NMT1: variants seen among roughly 807,000 people sequenced by gnomAD.
NMT1 encodes the protein glycylpeptide N-tetradecanoyltransferase 1.
In NMT1, 12 loss-of-function variants were observed where a neutral mutation model predicts 63.4. That is an observed-to-expected ratio of 0.19 (90% CI 0.12 to 0.31). NMT1 has a LOEUF of 0.31. NMT1 is among the 10% of genes least tolerant of loss of function. The probability of loss-of-function intolerance (pLI) is 1.00; values close to 1 mark genes in which losing one functional copy is unlikely to be tolerated. For missense variants in NMT1, 432 were observed against 634.6 expected, an observed-to-expected ratio of 0.68 and a Z score of 3.43; for synonymous variants, 228 against 234.3, an observed-to-expected ratio of 0.97 and a Z score of 0.25.
At chr17:45,085,182 G>A (rs1282996453) in intron 2 of NMT1, among the ~76,000 whole-genome samples, 1 of 152,196 alleles carries the variant, frequency 6.6e-6, no homozygotes, top group East Asian at 1.9e-4. Context: ...CAGCCCATGA[G>A]GTTGAAGCCG....
intron 3 of NMT1, among the ~76,000 whole-genome samples, chr17:45,088,179 C>A (rs183462161): frequency 6.6e-6 from 1 of 152,142 alleles, no homozygotes; most frequent in Non-Finnish European, 1.5e-5. Context: ...CTGCCCTCAT[C>A]GGCCAGGTCC....
chr17:45,065,390 A>G (rs1022772526), intron 1 of NMT1, among the ~76,000 whole-genome samples: 29 of 152,036 alleles, frequency 1.9e-4, no homozygotes, highest in Admixed American at 1.3e-3. Flanking sequence ...TTGGGAGGCT[A>G]AGGCGGGCGG....
chr17:45,061,592 C>G lies in NMT1; in HGVS notation c.131+132C>G, dbSNP rs1295856336. The G allele has an allele frequency of 1.8e-5, 14 of 774,464 alleles. No homozygotes were observed. In the East Asian group the frequency reaches 4.0e-4, roughly 22 times the overall value. 48.0% of individuals were successfully genotyped at this position (774,464 alleles called of 1,614,324 possible). ...TATTGGCTAAGTCACTAGGATTCTG[C>G]CTGGCGATTGGTTATTGCCTTTGTC... On this transcript the variant is annotated intron_variant, in intron 1 of 11. Transcript: ENST00000258960.
intron 2 of NMT1, among the ~76,000 whole-genome samples, chr17:45,084,653 G>A (rs1244731105): frequency 6.6e-6 from 1 of 150,820 alleles, no homozygotes; most frequent in African/African-American, 2.4e-5. Flanking sequence ...TTTTAATAGG[G>A]ACAGGGGTCT....
intron 1 of NMT1, among the ~76,000 whole-genome samples, chr17:45,079,251 C>T (rs1460710487): frequency 6.6e-6 from 1 of 151,966 alleles, no homozygotes; most frequent in East Asian, 2.0e-4. Context: ...ATTACAGGCG[C>T]ATGCCTCCAC....
In NMT1 at chr17:45,104,380, T is replaced by A; in HGVS notation, c.1333-479T>A. 8.8e-7 allele frequency: 1 copy of A among 1,132,850 alleles called. No individual in the cohort carries two copies. Among genetic ancestry groups the A allele is most frequent in the South Asian group, 2.1e-5 (1 of 47,652 alleles). 70.2% of individuals were successfully genotyped at this position (1,132,850 alleles called of 1,614,324 possible). A position where few individuals can be genotyped will look rare whatever the true frequency, so the allele number is the denominator to read the frequency against. The stretch of plus-strand genomic sequence containing the variant: ...AGAGCTTCTGCTCCAGTTGGTGAGG[T>A]TTAGGAAGCATCTTCACAGTCTCCA... On this transcript the variant is annotated intron_variant, in intron 10 of 11. Transcript: ENST00000258960. The surrounding 1 kb of genome is among the most constrained non-coding windows in gnomAD (Gnocchi z 4.2).
intron 8 of NMT1, 104 bp from the exon 9 acceptor site, chr17:45,102,847 C>A: frequency 6.3e-6 from 7 of 1,119,930 alleles, no homozygotes; most frequent in Non-Finnish European, 8.8e-6. Flanking sequence ...CAGGGAGCCG[C>A]CGAATGACCA....
intron 1 of NMT1, among the ~76,000 whole-genome samples, chr17:45,070,574 C>T (rs532939128): frequency 4.7e-4 from 72 of 152,298 alleles, no homozygotes; most frequent in Middle Eastern, 3.4e-3. Flanking sequence ...CCCGTCACCA[C>T]GCCCGGCTAA....
At chr17:45,089,711 T>C (rs1218480314) in intron 3 of NMT1, among the ~76,000 whole-genome samples, 2 of 152,102 alleles carry the variant, frequency 1.3e-5, no homozygotes, top group Non-Finnish European at 1.5e-5. Flanking sequence ...TGATCATGGC[T>C]CACTGCAGCC....
At chr17:45,069,675 G>A (rs900187518) in intron 1 of NMT1, among the ~76,000 whole-genome samples, 1 of 152,104 alleles carries the variant, frequency 6.6e-6, no homozygotes, top group African/African-American at 2.4e-5. Context: ...TTCTGAACTT[G>A]CTAGGTTTCT....
intron 1 of NMT1, among the ~76,000 whole-genome samples, chr17:45,078,695 T>C (rs908174101): frequency 6.6e-6 from 1 of 152,184 alleles, no homozygotes; most frequent in Non-Finnish European, 1.5e-5. Flanking sequence ...AGTGTCTGGC[T>C]GTATTGCCCA....
chr17:45,077,245 A>G (rs1343810912), intron 1 of NMT1, among the ~76,000 whole-genome samples: 2 of 152,158 alleles, frequency 1.3e-5, no homozygotes, highest in African/African-American at 4.8e-5. Flanking sequence ...TATTACCATA[A>G]TTTGTTCCAT....
At chr17:45,067,961 G>A (rs1424329538) in intron 1 of NMT1, among the ~76,000 whole-genome samples, 2 of 152,132 alleles carry the variant, frequency 1.3e-5, no homozygotes, top group Non-Finnish European at 2.9e-5. Flanking sequence ...TACTAAGTTG[G>A]CAGTTAACCC....
intron 3 of NMT1, among the ~76,000 whole-genome samples, chr17:45,090,611 C>A (rs1411884308): frequency 6.6e-6 from 1 of 152,156 alleles, no homozygotes; most frequent in Non-Finnish European, 1.5e-5. Flanking sequence ...TTAATGTTTT[C>A]CGCATCTCAG....
At chr17:45,097,075 G>C (rs992552261) in intron 5 of NMT1, 53 bp from the exon 6 acceptor site, 25 of 1,512,824 alleles carry the variant, frequency 1.7e-5, no homozygotes, top group Non-Finnish European at 2.2e-5. Context: ...AGCCCAAGCG[G>C]CTTGTCCAGC....
chr17:45,102,361 G>T (rs767469524), intron 8 of NMT1, among the ~76,000 whole-genome samples: 1 of 152,218 alleles, frequency 6.6e-6, no homozygotes, highest in African/African-American at 2.4e-5. Flanking sequence ...AGCAGCTGCC[G>T]GGTGGGACGC....
At position 45,072,654 on chromosome 17, in the gene NMT1, G is replaced by T. The variant is rs2143461980; in HGVS notation, c.132-8990G>T. ...AGCTCACTGCAAGCTCCGCCTCCCG[G>T]GTTCACGCCATTCTCCTGCCTCAGC... is the stretch of plus-strand genomic sequence containing the variant. On this transcript the variant is annotated intron_variant, in intron 1 of 11. Coordinates refer to ENST00000258960, the MANE Select transcript of NMT1 (RefSeq NM_021079.5). Among the ~76,000 whole-genome samples the T allele has an allele frequency of 2.7e-5, 4 of 150,928 alleles. No individual in the cohort carries two copies. In the South Asian group the frequency reaches 8.4e-4, roughly 32 times the overall value.
In NMT1 at chr17:45,102,997, C is replaced by T; in HGVS notation, c.1040C>T (p.Pro347Leu). The T allele has an allele frequency of 6.2e-7, 1 of 1,614,032 alleles. No homozygotes were observed. Residue 347 changes from proline to leucine, a missense_variant, in exon 9 of 12, where the codon CCA becomes CTA. Around this residue, in one of 4 missense-constraint regions of NMT1, gnomAD observed 295 missense variants for 489.7 expected, o/e 0.60. Transcript: ENST00000258960. ...GLRPMETKDI[P>L]VVHQLLTRYL... ...CGACCAATGGAAACAAAGGACATTC[C>T]AGTAGTGCACCAGCTCCTCACCAGG...
intron 1 of NMT1, among the ~76,000 whole-genome samples, chr17:45,076,451 GAA>G (rs1405974078): frequency 7.8e-6 from 1 of 128,702 alleles, no homozygotes; most frequent in Non-Finnish European, 1.7e-5. Context: ...ACTCATTAAA[GAA>G]AAAAAAAAAA....
Sources: allele counts gnomAD v4.1 joint callset (sites outside exome capture counted in the v4.1 genomes callset), GRCh38; gene constraint gnomAD v4.1.1; regional missense constraint gnomAD v4.1.1; non-coding constraint Gnocchi (gnomAD v3.1); transcripts MANE v1.5; gene names NCBI Gene and HGNC (gene_info 2026-07-23, HGNC 2026-07-21).